RPH3A: variants seen among roughly 807,000 people sequenced by gnomAD.
RPH3A encodes rabphilin-3A.
In RPH3A, 48 loss-of-function variants were observed where a neutral mutation model predicts 102.2. The ratio of observed to expected loss-of-function variants is 0.47; its 90% CI spans 0.37 to 0.60. RPH3A has a LOEUF of 0.60. Among genes scored for constraint, RPH3A ranks in the 20% least tolerant of loss-of-function variants. The pLI, the probability that RPH3A is intolerant of heterozygous loss-of-function variation, is 0.00. For missense variants in RPH3A, 781 were observed against 910.1 expected (o/e 0.86, Z 1.83); for synonymous variants, 310 against 324.3 (o/e 0.96, Z 0.47).
At chr12:112,641,820 C>T (rs1420769612) in intron 1 of RPH3A, among the ~76,000 whole-genome samples, 1 of 152,182 alleles carries the variant, frequency 6.6e-6, no homozygotes. Context: ...AGCTTCTTTC[C>T]TTCCTTCATT....
intron 1 of RPH3A, among the ~76,000 whole-genome samples, chr12:112,712,883 T>TTCTTCTTCTTCTTCC (rs2040473429): frequency 2.3e-5 from 3 of 130,756 alleles, no homozygotes; most frequent in African/African-American, 1.1e-4. Context: ...CTTTTTTTTC[T>TTCTTCTTCTTCTTCC]TCTTCTTCTT....
chr12:112,893,756 T>TGGGCTCAAGTGATCCTCCC (rs1349011930), intron 19 of RPH3A: 2 of 152,296 alleles, frequency 1.3e-5, no homozygotes, highest in African/African-American at 4.8e-5. Context: ...CTGGAACTCC[T>TGGGCTCAAGTGATCCTCCC]GGGCTCAAGT....
At chr12:112,605,021 C>A (rs1267702353) in intron 1 of RPH3A, among the ~76,000 whole-genome samples, 3 of 152,196 alleles carry the variant, frequency 2.0e-5, no homozygotes, top group Non-Finnish European at 4.4e-5. Context: ...AGGGGCTCTA[C>A]CTTCAAGGGC....
intron 1 of RPH3A, among the ~76,000 whole-genome samples, chr12:112,621,332 C>T (rs1405387794): frequency 1.3e-5 from 2 of 149,938 alleles, no homozygotes; most frequent in African/African-American, 2.5e-5. Flanking sequence ...AGACAGTGGG[C>T]GCAGGCCAGT....
At chr12:112,866,907 T>C (rs1331906111) in intron 7 of RPH3A, 67 bp downstream of exon 7, 2 of 1,289,584 alleles carry the variant, frequency 1.6e-6, no homozygotes, top group African/African-American at 1.5e-5. Flanking sequence ...AGAGGTGCCT[T>C]AAGAGGTTTG....
intron 1 of RPH3A, among the ~76,000 whole-genome samples, chr12:112,734,580 A>G (rs1474747544): frequency 6.6e-6 from 1 of 152,212 alleles, no homozygotes; most frequent in Non-Finnish European, 1.5e-5. Flanking sequence ...GTAAAGGAGT[A>G]AAGAATGGCT....
At position 112,644,936 on chromosome 12, in the gene RPH3A, C is replaced by T. The variant is rs2039917248; in HGVS notation, c.-140+69617C>T. Among the ~76,000 whole-genome samples, 4 of 152,150 alleles carry T rather than the reference C, an allele frequency of 2.6e-5. No homozygotes were observed. In the South Asian group the frequency reaches 8.3e-4, roughly 31 times the overall value. ...AGCAGAATCATGCCCTGGGGAGAGACCAAGCTTTGATCACATCATTTGAGT... is the reference window on the plus strand; with the variant it reads ...AGCAGAATCATGCCCTGGGGAGAGATCAAGCTTTGATCACATCATTTGAGT... On this transcript the variant is annotated intron_variant, in intron 1 of 21. Transcript: ENST00000543106.
chr12:112,869,063 C>A (rs540884770), intron 8 of RPH3A: 2 of 155,174 alleles, frequency 1.3e-5, no homozygotes, highest in Admixed American at 6.4e-5. Flanking sequence ...TAAATTGCTA[C>A]TATTGACATT....
intron 1 of RPH3A, among the ~76,000 whole-genome samples, chr12:112,754,870 A>G (rs150981579): frequency 6.6e-6 from 1 of 152,306 alleles, no homozygotes; most frequent in Non-Finnish European, 1.5e-5. Context: ...AAAAATAACA[A>G]TGCCCGGTTC....
At chr12:112,866,720 G>A in intron 6 of RPH3A, 37 bp from the exon 7 acceptor site, 1 of 1,564,630 alleles carries the variant, frequency 6.4e-7, no homozygotes. Flanking sequence ...CCATGAGCAT[G>A]GCTCATCTGA....
At chr12:112,711,546 G>T (rs1428751650) in intron 1 of RPH3A, among the ~76,000 whole-genome samples, 1 of 152,172 alleles carries the variant, frequency 6.6e-6, no homozygotes, top group African/African-American at 2.4e-5. Flanking sequence ...TTTCTGGGGG[G>T]TATAAGCTAA....
rs114338213 is a variant in RPH3A at position 112,865,312 on chromosome 12, C to T, written c.231-102C>T. 401 of 1,349,308 alleles carry T rather than the reference C, an allele frequency of 3.0e-4. 1 individual carries two copies. In the African/African-American group the frequency reaches 5.1e-3, roughly 17 times the overall value. 83.6% of individuals were successfully genotyped at this position (1,349,308 alleles called of 1,614,324 possible). Reference sequence around the variant, plus strand: ...ACAACTGTCATCAGACGCACAACAGCGTATGACTCAAAGAAGGTGAAGACT... The same window carrying T: ...ACAACTGTCATCAGACGCACAACAGTGTATGACTCAAAGAAGGTGAAGACT... On this transcript the variant is annotated intron_variant, in intron 5 of 21. Coordinates refer to ENST00000389385, the MANE Select transcript of RPH3A (RefSeq NM_001143854.2).
intron 4 of RPH3A, among the ~76,000 whole-genome samples, chr12:112,839,580 CAG>C: frequency 6.6e-6 from 1 of 152,264 alleles, no homozygotes; most frequent in Non-Finnish European, 1.5e-5. Context: ...TAAGAGTAAA[CAG>C]AAACACACAA....
chr12:112,587,082 G>A (rs1438183047), intron 1 of RPH3A, among the ~76,000 whole-genome samples: 1 of 152,196 alleles, frequency 6.6e-6, no homozygotes, highest in Non-Finnish European at 1.5e-5. Context: ...GAATACATGT[G>A]CTTTATAAAC....
At chr12:112,848,420 T>C (rs531876331) in intron 5 of RPH3A, among the ~76,000 whole-genome samples, 2 of 152,280 alleles carry the variant, frequency 1.3e-5, no homozygotes, top group Admixed American at 6.5e-5. Context: ...GAGGTTAACC[T>C]GATGGGTCCA....
chr12:112,881,723 G>C (rs760873342), intron 14 of RPH3A, 49 bp from the exon 15 acceptor site: 3 of 1,407,758 alleles, frequency 2.1e-6, no homozygotes, highest in Non-Finnish European at 3.0e-6. Context: ...TGACAGCTGA[G>C]CACTGGGCCC....
chr12:112,619,264 G>A (rs1278831540), intron 1 of RPH3A, among the ~76,000 whole-genome samples: 1 of 150,098 alleles, frequency 6.7e-6, no homozygotes, highest in Non-Finnish European at 1.5e-5. Context: ...GTGTGTGTGT[G>A]TGTGTGTGTG....
chr12:112,881,671 C>G, intron 14 of RPH3A, 101 bp from the exon 15 acceptor site: 1 of 750,818 alleles, frequency 1.3e-6, no homozygotes, highest in Non-Finnish European at 2.2e-6. Context: ...ACAGCGTGGA[C>G]CAACAGGCAG....
chr12:112,654,615 C>A (rs1205206526), intron 1 of RPH3A, among the ~76,000 whole-genome samples: 1 of 152,166 alleles, frequency 6.6e-6, no homozygotes, highest in African/African-American at 2.4e-5. Flanking sequence ...TATCTTCTTG[C>A]AGATTTCATT....
Sources: allele counts gnomAD v4.1 joint callset (sites outside exome capture counted in the v4.1 genomes callset), GRCh38; gene constraint gnomAD v4.1.1; transcripts MANE v1.5; gene names NCBI Gene and HGNC (gene_info 2026-07-23, HGNC 2026-07-21).